The following PPP1R13B variants were observed in gnomAD, a reference collection of about 807,000 sequenced individuals.
PPP1R13B encodes protein phosphatase 1 regulatory subunit 13B, also known as apoptosis-stimulating of p53 protein 1.
A neutral mutation model predicts 119.8 loss-of-function variants in PPP1R13B; 44 were observed. That is an observed-to-expected ratio of 0.37 (90% CI 0.29 to 0.47). PPP1R13B has a LOEUF of 0.47. Among genes scored for constraint, PPP1R13B ranks in the 20% least tolerant of loss-of-function variants. The probability of loss-of-function intolerance (pLI) is 0.99; values close to 1 mark genes in which losing one functional copy is unlikely to be tolerated. For synonymous variants in PPP1R13B, 542 were observed against 561.5 expected (o/e 0.97, Z 0.49); for missense variants, 1,227 against 1,413.5 (o/e 0.87, Z 2.12).
chr14:103,825,458 T>C (rs1254833247), intron 1 of PPP1R13B, among the ~76,000 whole-genome samples: 3 of 152,216 alleles, frequency 2.0e-5, no homozygotes, highest in Admixed American at 6.5e-5. Flanking sequence ...GAAAACTTCC[T>C]AAAATAAATT....
chr14:103,776,610 C>G (rs146246765), intron 4 of PPP1R13B, among the ~76,000 whole-genome samples: 1 of 152,178 alleles, frequency 6.6e-6, no homozygotes, highest in Non-Finnish European at 1.5e-5. Context: ...CGATGGCTCA[C>G]GCCTGTAATC....
At chr14:103,829,159 C>G (rs1046768477) in intron 1 of PPP1R13B, among the ~76,000 whole-genome samples, 6 of 151,896 alleles carry the variant, frequency 4.0e-5, no homozygotes, top group Admixed American at 2.6e-4. Flanking sequence ...TGATAAAAAC[C>G]ATCCTCTCAA....
chr14:103,749,897 A>G lies in PPP1R13B; in HGVS notation c.866T>C (p.Leu289Pro), dbSNP rs767819201. 1.2e-6 allele frequency: 2 copies of G among 1,614,136 alleles called. No homozygotes were observed. The highest frequency in any genetic ancestry group is 1.7e-6 in the Non-Finnish European group (2 of 1,180,020). Residue 289 changes from leucine (L) to proline (P), a missense_variant, in exon 8 of 17, where the codon CTT (leucine) becomes CCT (proline). Transcript: ENST00000202556. ...NQLNQEQNSK[L>P]QQQKELLNKR... ...ATTTAAGAGTTCCTTCTGCTGCTGA[A>G]GTTTTGAATTTTGTTCCTGGTTAAG...
intron 9 of PPP1R13B, among the ~76,000 whole-genome samples, chr14:103,745,192 T>G (rs2024667): frequency 0.44 from 66,975 of 151,996 alleles, 15,196 homozygotes; most frequent in African/African-American, 0.54. Flanking sequence ...GGCTCACAAG[T>G]GCTGGTGATG....
intron 1 of PPP1R13B, among the ~76,000 whole-genome samples, chr14:103,838,147 C>T (rs2086820368): frequency 6.6e-6 from 1 of 151,610 alleles, no homozygotes; most frequent in South Asian, 2.1e-4. Flanking sequence ...AAGTAAATAA[C>T]AACAATAAAA....
Position 103,742,110 on chromosome 14 carries a change from G to A in PPP1R13B, c.1502C>T (p.Thr501Ile), listed in dbSNP as rs199912800. ...SAGLPSRQRP[T>I]LLPATGSTPQ... ...GGTGCTGCCTGTGGCGGGCAGCAGG[G>A]TGGGCCTCTGTCGACTTGGCAGGCC... is the stretch of plus-strand genomic sequence containing the variant. The change falls in exon 11 of 17, where the codon ACC (threonine) becomes ATC (isoleucine). Residue 501 changes from threonine to isoleucine, a missense_variant. By Grantham distance (89) the Thr-to-Ile change is moderately conservative. Transcript: ENST00000202556. The surrounding 1 kb of genome is among the most constrained non-coding windows in gnomAD (Gnocchi z 4.9). 272 of 1,613,352 alleles carry A rather than the reference G, an allele frequency of 1.7e-4. No individual in the cohort carries two copies. Among genetic ancestry groups the A allele is most frequent in the Non-Finnish European group, 1.9e-4 (223 of 1,179,996 alleles).
chr14:103,799,651 C>T (rs2085851800), intron 1 of PPP1R13B, among the ~76,000 whole-genome samples: 1 of 148,576 alleles, frequency 6.7e-6, no homozygotes, highest in South Asian at 2.1e-4. Context: ...AAAATACTAA[C>T]ACTTTGATCT....
intron 1 of PPP1R13B, among the ~76,000 whole-genome samples, chr14:103,846,165 C>T (rs2087026181): frequency 6.6e-6 from 1 of 152,144 alleles, no homozygotes; most frequent in African/African-American, 2.4e-5. Context: ...CCCAACAAGT[C>T]TGATGCTAAA....
chr14:103,848,075 G>A (rs1286021200), upstream of PPP1R13B, among the ~76,000 whole-genome samples: 1 of 151,900 alleles, frequency 6.6e-6, no homozygotes, highest in African/African-American at 2.4e-5. Context: ...GGGGCCCCCG[G>A]AGCGAGCATG....
At chr14:103,767,458 G>A (rs993360767) in intron 4 of PPP1R13B, among the ~76,000 whole-genome samples, 1 of 151,964 alleles carries the variant, frequency 6.6e-6, no homozygotes, top group African/African-American at 2.4e-5. Flanking sequence ...CAGGAGTTGT[G>A]ACACCATTGC....
intron 1 of PPP1R13B, 35 bp from the exon 2 acceptor site, chr14:103,797,553 TC>T (rs767975843): frequency 6.4e-7 from 1 of 1,570,516 alleles, no homozygotes; most frequent in Non-Finnish European, 8.7e-7. Flanking sequence ...TAATTTAGAT[TC>T]CTTATCACAA....
intron 11 of PPP1R13B, 148 bp downstream of exon 11, chr14:103,741,642 A>G: frequency 9.4e-7 from 1 of 1,061,992 alleles, no homozygotes. Context: ...CCCTTCTCAC[A>G]CTGACACCCA....
rs760465380 is a variant in PPP1R13B, at chr14:103,742,662, C to G, written c.1312G>C (p.Glu438Gln). ...TAAAGACACAGGCCTACCGGCTTCT[C>G]CGTGGGTCCCAGTGCTGAGAAGGGC... Reference protein sequence around the residue: ...PVPFSALGPTEKPGIEIGKVP... With the variant: ...PVPFSALGPTQKPGIEIGKVP... Residue 438 changes from glutamate to glutamine, a missense_variant, in exon 10 of 17, where the codon GAG (glutamate) becomes CAG (glutamine). By Grantham distance (29) the Glu-to-Gln change is conservative. Transcript: ENST00000202556. The surrounding 1 kb of genome is among the most constrained non-coding windows in gnomAD (Gnocchi z 4.9). 6.2e-7 allele frequency: 1 copy of G among 1,613,656 alleles called. No individual in the cohort carries two copies. The highest frequency in any genetic ancestry group is 1.7e-5 in the Admixed American group (1 of 59,962).
At chr14:103,796,600 C>T (rs992955934) in intron 2 of PPP1R13B, among the ~76,000 whole-genome samples, 1 of 152,104 alleles carries the variant, frequency 6.6e-6, no homozygotes, top group Non-Finnish European at 1.5e-5. Flanking sequence ...CACGAATTAC[C>T]ATATGACCCA....
In PPP1R13B at chr14:103,784,702, G is replaced by A; in HGVS notation, c.277+93C>T. On this transcript the variant is annotated intron_variant, in intron 3 of 16. Transcript: ENST00000202556. ...CTAGCCACTTGTAAGTGCAGGGCCGGGTGTGTGTGAATAATTTAATATTTA... is the reference window on the plus strand; with the variant it reads ...CTAGCCACTTGTAAGTGCAGGGCCGAGTGTGTGTGAATAATTTAATATTTA... 2.3e-6 allele frequency: 3 copies of A among 1,290,614 alleles called. 1 individual carries two copies. In the South Asian group the frequency reaches 5.3e-5, roughly 23 times the overall value. The allele number at this position is 1,290,614 out of a possible 1,614,324, so 79.9% of individuals were successfully genotyped here.
At chr14:103,787,370 C>T (rs1286479891) in intron 2 of PPP1R13B, among the ~76,000 whole-genome samples, 4 of 151,876 alleles carry the variant, frequency 2.6e-5, no homozygotes, top group South Asian at 2.1e-4. Flanking sequence ...ACTGCTTGAA[C>T]CTGGGAGGTG....
At chr14:103,749,667 G>T (rs925965201) in intron 8 of PPP1R13B, 127 bp downstream of exon 8, 43 of 965,058 alleles carry the variant, frequency 4.5e-5, no homozygotes, top group Non-Finnish European at 6.2e-5. Flanking sequence ...CATTTTTGAT[G>T]GTTTATGGCC....
rs1951374450 is a variant in PPP1R13B, at chr14:103,792,204, ATT to A, written c.157+5165_157+5166del. ...TGTGTGTGTGTGTGTGTGTGTGTATATTTTTTTAAAGACAGGGTCGCACTCTG... is the reference window on the plus strand; with the variant it reads ...TGTGTGTGTGTGTGTGTGTGTGTATATTTTTAAAGACAGGGTCGCACTCTG... On this transcript the variant is annotated intron_variant, in intron 2 of 16. Transcript: ENST00000202556. Among the ~76,000 whole-genome samples, 6 of 65,118 alleles carry A rather than the reference ATT, an allele frequency of 9.2e-5. No individual in the cohort carries two copies. In the East Asian group the frequency reaches 2.6e-3, roughly 29 times the overall value. 42.7% of individuals were successfully genotyped at this position (65,118 alleles called of 152,430 possible). A position where few individuals can be genotyped will look rare whatever the true frequency, so the allele number is the denominator to read the frequency against.
chr14:103,739,971 C>G lies in PPP1R13B; in HGVS notation c.2445G>C (p.Glu815Asp). ...CGTTGTTGTTATTGTCCTCTGCCGG[C>G]TCGGCAGTTTGGTGGGTGGTTTGGG... Reference protein sequence around the residue: ...ICPQTTHQTAEPAEDNNNNVA... With the variant: ...ICPQTTHQTADPAEDNNNNVA... The change falls in exon 12 of 17, where the codon GAG becomes GAC. Residue 815 changes from glutamate to aspartate, a missense_variant. By Grantham distance (45) the Glu-to-Asp change is conservative. Coordinates refer to ENST00000202556, the MANE Select transcript of PPP1R13B (RefSeq NM_015316.3). 1 of 1,614,134 alleles carries G rather than the reference C, an allele frequency of 6.2e-7. No individual in the cohort carries two copies.
Sources: gnomAD v4.1 joint callset for allele counts (sites outside exome capture counted in the v4.1 genomes callset) on GRCh38, gnomAD v4.1.1 for gene constraint, Gnocchi (gnomAD v3.1) non-coding constraint, MANE v1.5 for transcripts, NCBI Gene and HGNC (gene_info 2026-07-23, HGNC 2026-07-21) for gene names.